The following CD99L2 variants were observed in gnomAD, a reference collection of about 807,000 sequenced individuals.
CD99L2 encodes the protein CD99 molecule like 2.
Under a neutral mutation model 27.3 loss-of-function variants are expected in CD99L2, and 24 were observed. The ratio of observed to expected loss-of-function variants is 0.88; its 90% CI spans 0.64 to 1.24. The LOEUF (loss-of-function observed/expected upper bound fraction) is 1.24, where lower values mean the gene tolerates loss of function less well. CD99L2 is among the 50% of genes most tolerant of loss of function. The pLI is 0.00. For synonymous variants in CD99L2, 97 were observed against 87.9 expected, an observed-to-expected ratio of 1.10 and a Z score of -0.58; for missense variants, 255 against 221.6, an observed-to-expected ratio of 1.15 and a Z score of -0.96.
intron 10 of CD99L2, among the ~76,000 whole-genome samples, chrX:150,769,635 TTCCACTG>T: frequency 9.2e-6 from 1 of 108,793 alleles, no homozygotes; most frequent in South Asian, 3.7e-4. Flanking sequence ...TGCACTGTAG[TTCCACTG>T]GCAACACTCG....
intron 1 of CD99L2, among the ~76,000 whole-genome samples, chrX:150,872,022 G>T (rs897582133): frequency 9.0e-6 from 1 of 111,448 alleles, no homozygotes; most frequent in Non-Finnish European, 1.9e-5. Flanking sequence ...CTTGAGCCCA[G>T]GAGTTCAAGA....
At chrX:150,770,248 G>C in intron 10 of CD99L2, 56 bp downstream of exon 10, 4 of 1,094,093 alleles carry the variant, frequency 3.7e-6, no homozygotes, top group Non-Finnish European at 5.1e-6. Context: ...GTTCTGCTCA[G>C]TGCTGGGACC....
At chrX:150,818,308 A>G (rs2046196598) in intron 2 of CD99L2, among the ~76,000 whole-genome samples, 1 of 108,635 alleles carries the variant, frequency 9.2e-6, no homozygotes, top group African/African-American at 3.4e-5. Context: ...ATTCTACTCA[A>G]GTGCATGTGA....
chrX:150,822,959 C>T (rs1389564762), intron 2 of CD99L2, among the ~76,000 whole-genome samples: 2 of 111,787 alleles, frequency 1.8e-5, no homozygotes, highest in Non-Finnish European at 3.8e-5. Context: ...GGAGGTTACC[C>T]TCATGCTGTT....
chrX:150,769,825 C>G (rs1274156667), intron 10 of CD99L2, among the ~76,000 whole-genome samples: 2 of 113,106 alleles, frequency 1.8e-5, no homozygotes, highest in African/African-American at 6.4e-5. Flanking sequence ...AAATTGCCAA[C>G]AGCTCCTGAA....
At chrX:150,835,564 G>A (rs1284336430) in intron 1 of CD99L2, among the ~76,000 whole-genome samples, 1 of 110,693 alleles carries the variant, frequency 9.0e-6, no homozygotes, top group African/African-American at 3.3e-5. Context: ...AAATTTAACT[G>A]TCTTTGTATG....
chrX:150,819,085 T>C (rs2046208243), intron 2 of CD99L2: 1 of 317,857 alleles, frequency 3.1e-6, no homozygotes, highest in African/African-American at 2.7e-5. Context: ...TGGTTCCCAG[T>C]TTTTCATCTC....
chrX:150,816,223 C>A, intron 2 of CD99L2, 145 bp from the exon 3 acceptor site: 2 of 522,715 alleles, frequency 3.8e-6, no homozygotes, highest in Non-Finnish European at 6.6e-6. Context: ...TCCAGAGAAT[C>A]ACACTGAAAA....
In CD99L2 at chrX:150,845,989, G is replaced by A. The variant is rs146278419; in HGVS notation, c.68-14696C>T. 5.6e-3 allele frequency among the ~76,000 whole-genome samples: 621 copies of A among 111,325 alleles called. 9 individuals are homozygous for A. The highest frequency in any genetic ancestry group is 0.019 in the African/African-American group (570 of 30,619). ...GCAGATTACCTGAGCTCAGGAGTTCGAGACCAGCCTGGGCAACATGGCGAA... is the reference window on the plus strand; with the variant it reads ...GCAGATTACCTGAGCTCAGGAGTTCAAGACCAGCCTGGGCAACATGGCGAA... On this transcript the variant is annotated intron_variant, in intron 1 of 10. Coordinates refer to ENST00000370377, the MANE Select transcript of CD99L2 (RefSeq NM_031462.4).
intron 1 of CD99L2, among the ~76,000 whole-genome samples, chrX:150,885,382 A>AAAC (rs201459880): frequency 3.6e-5 from 4 of 111,105 alleles, no homozygotes; most frequent in Non-Finnish European, 5.7e-5. Context: ...AACAACAAAA[A>AAAC]AACAACAACA....
chrX:150,792,089 C>T (rs1557419728), intron 7 of CD99L2, among the ~76,000 whole-genome samples: 2 of 111,632 alleles, frequency 1.8e-5, no homozygotes, highest in Non-Finnish European at 3.8e-5. Flanking sequence ...CTTATCATAA[C>T]CATGTTTCAG....
At chrX:150,819,519 A>C (rs952363388) in intron 2 of CD99L2, among the ~76,000 whole-genome samples, 5 of 111,668 alleles carry the variant, frequency 4.5e-5, no homozygotes, top group African/African-American at 9.7e-5. Flanking sequence ...AAAACACCAA[A>C]GATTATAGCG....
intron 7 of CD99L2, among the ~76,000 whole-genome samples, chrX:150,778,464 T>TGG (rs782670012): frequency 3.8e-5 from 2 of 53,018 alleles, no homozygotes; most frequent in African/African-American, 1.6e-4. Context: ...TCTGGCAGGG[T>TGG]GGGGGGGTAT....
intron 1 of CD99L2, among the ~76,000 whole-genome samples, chrX:150,866,976 G>C (rs369731815): frequency 9.0e-6 from 1 of 111,465 alleles, no homozygotes; most frequent in African/African-American, 3.3e-5. Context: ...AAAACAGGTA[G>C]CTCCTGGGAC....
intron 9 of CD99L2, among the ~76,000 whole-genome samples, chrX:150,771,428 G>T (rs1411600027): frequency 8.9e-6 from 1 of 112,403 alleles, no homozygotes; most frequent in Non-Finnish European, 1.9e-5. Context: ...GCTGACAGGT[G>T]GGGGCCAGGA....
At chrX:150,845,006 G>A (rs782190917) in intron 1 of CD99L2, among the ~76,000 whole-genome samples, 1 of 112,525 alleles carries the variant, frequency 8.9e-6, no homozygotes, top group African/African-American at 3.2e-5. Flanking sequence ...GTAGCAGGTT[G>A]CTTAATTTAA....
intron 4 of CD99L2, among the ~76,000 whole-genome samples, chrX:150,799,469 A>T (rs1296809226): frequency 9.2e-6 from 1 of 108,795 alleles, no homozygotes; most frequent in African/African-American, 3.3e-5. Context: ...AGCTGAGATC[A>T]TACCACTGCA....
At chrX:150,841,620 C>T (rs2046624563) in intron 1 of CD99L2, among the ~76,000 whole-genome samples, 1 of 111,433 alleles carries the variant, frequency 9.0e-6, no homozygotes, top group Non-Finnish European at 1.9e-5. Flanking sequence ...CACAATAAGA[C>T]GTTTTTAGCC....
intron 7 of CD99L2, among the ~76,000 whole-genome samples, chrX:150,792,064 G>C (rs1176303261): frequency 8.9e-6 from 1 of 111,771 alleles, no homozygotes; most frequent in Non-Finnish European, 1.9e-5. Context: ...CAGTGTCTGA[G>C]AATTCCATGG....
Sources: gnomAD v4.1 joint callset for allele counts (sites outside exome capture counted in the v4.1 genomes callset) on GRCh38, gnomAD v4.1.1 for gene constraint, MANE v1.5 for transcripts, NCBI Gene and HGNC (gene_info 2026-07-23, HGNC 2026-07-21) for gene names.